Variants in CDH7 observed in about 807,000 individuals in gnomAD.
The protein encoded by CDH7 is cadherin-7.
In CDH7, 25 loss-of-function variants were observed where a neutral mutation model predicts 71.8. The observed-to-expected ratio is 0.35, with a 90% CI of 0.25 to 0.49. CDH7 has a LOEUF of 0.49. Among genes scored for constraint, CDH7 ranks in the 20% least tolerant of loss-of-function variants. The pLI is 0.99. For synonymous variants in CDH7, 381 were observed against 363.8 expected (o/e 1.05, Z -0.54); for missense variants, 862 against 974.6 (o/e 0.88, Z 1.54).
intron 3 of CDH7, among the ~76,000 whole-genome samples, chr18:65,811,388 C>A (rs774803006): frequency 1.3e-5 from 2 of 152,084 alleles, no homozygotes; most frequent in Non-Finnish European, 2.9e-5. Context: ...TAGAGAAATA[C>A]CAAATGACAA....
intron 2 of CDH7, among the ~76,000 whole-genome samples, chr18:65,780,565 C>G (rs1471621384): frequency 7.1e-6 from 1 of 140,060 alleles, no homozygotes; most frequent in South Asian, 2.5e-4. Context: ...ATAGGGAATC[C>G]TTTCCCCATT....
intron 2 of CDH7, among the ~76,000 whole-genome samples, chr18:65,769,253 G>T (rs1213946391): frequency 6.6e-6 from 1 of 152,058 alleles, no homozygotes; most frequent in Admixed American, 6.6e-5. Flanking sequence ...AGAAAACAGG[G>T]CAGAGTTTTC....
rs1914283194 is a variant in CDH7, at chr18:65,883,278, G to T, written c.*2384G>T. On this transcript the variant is annotated 3_prime_UTR_variant, in exon 12 of 12. Coordinates refer to ENST00000397968, the MANE Select transcript of CDH7 (RefSeq NM_004361.5). ...TAATTTTTGAGATGGCTGGAAGAATGTTCCTAATATAGGTAGTATTTATAT... is the reference window on the plus strand; with the variant it reads ...TAATTTTTGAGATGGCTGGAAGAATTTTCCTAATATAGGTAGTATTTATAT... The T allele has an allele frequency of 6.6e-6, 1 of 151,842 alleles. No individual in the cohort carries two copies. The highest frequency in any genetic ancestry group is 2.4e-5 in the African/African-American group (1 of 41,368). 9.4% of individuals were successfully genotyped at this position (151,842 alleles called of 1,614,324 possible). A position where few individuals can be genotyped will look rare whatever the true frequency, so the allele number is the denominator to read the frequency against.
At chr18:65,758,623 G>C (rs1353007330) in intron 1 of CDH7, among the ~76,000 whole-genome samples, 1 of 152,146 alleles carries the variant, frequency 6.6e-6, no homozygotes, top group Non-Finnish European at 1.5e-5. Flanking sequence ...AAATATCCTT[G>C]TGCACTCTGA....
chr18:65,885,372 G>GTGTTTTTTTTTTT lies in CDH7; in HGVS notation c.*4479_*4480insGTTTTTTTTTTTT, dbSNP rs1914342122. 1.0e-4 allele frequency: 7 copies of GTGTTTTTTTTTTT among 69,432 alleles called. No individual in the cohort carries two copies. Among genetic ancestry groups the GTGTTTTTTTTTTT allele is most frequent in the African/African-American group, 3.7e-4 (7 of 19,176 alleles). 4.3% of individuals were successfully genotyped at this position (69,432 alleles called of 1,614,324 possible). ...GTAACTGAAAAGGATGTGTGCCTGT[G>GTGTTTTTTTTTTT]TTTTTTTTTTTTTTTTTTTTTTTGA... On this transcript the variant is annotated 3_prime_UTR_variant, in exon 12 of 12. Transcript: ENST00000397968.
chr18:65,762,713 T>G lies in CDH7; in HGVS notation c.-130T>G. On this transcript the variant is annotated 5_prime_UTR_variant, in exon 2 of 12. Transcript: ENST00000397968. ...GGTGACCTCTTCCAATCCAACACTCTACAGATTATTATCTCTGGACTCCCA... is the reference window on the plus strand; with the variant it reads ...GGTGACCTCTTCCAATCCAACACTCGACAGATTATTATCTCTGGACTCCCA... 1 of 691,272 alleles carries G rather than the reference T, an allele frequency of 1.4e-6. No individual in the cohort carries two copies. Among genetic ancestry groups the G allele is most frequent in the Non-Finnish European group, 2.4e-6 (1 of 416,224 alleles). The allele number at this position is 691,272 out of a possible 1,614,324, so 42.8% of individuals were successfully genotyped here. A position where few individuals can be genotyped will look rare whatever the true frequency, so the allele number is the denominator to read the frequency against.
At chr18:65,774,555 G>C (rs1163764584) in intron 2 of CDH7, among the ~76,000 whole-genome samples, 1 of 152,050 alleles carries the variant, frequency 6.6e-6, no homozygotes, top group African/African-American at 2.4e-5. Flanking sequence ...TTGCACAGCT[G>C]TGGGGGCCTG....
chr18:65,782,012 TTCTC>T (rs200990200), intron 2 of CDH7, among the ~76,000 whole-genome samples: 1,906 of 72,592 alleles, frequency 0.026, 367 homozygotes, highest in African/African-American at 0.064. Flanking sequence ...CTTTCTCTCT[TTCTC>T]TCTCTCTTTC....
chr18:65,856,229 C>A (rs1166146307), intron 7 of CDH7, among the ~76,000 whole-genome samples: 1 of 151,984 alleles, frequency 6.6e-6, no homozygotes, highest in Non-Finnish European at 1.5e-5. Context: ...CTAAAACTGC[C>A]CTACAAACAC....
At chr18:65,762,145 A>G (rs977027079) in intron 1 of CDH7, among the ~76,000 whole-genome samples, 3 of 152,214 alleles carry the variant, frequency 2.0e-5, no homozygotes, top group African/African-American at 7.2e-5. Flanking sequence ...CCAGTTTTGC[A>G]TCACCTCATA....
rs760740890 is a variant in CDH7, at chr18:65,809,656, A to G, written c.211-48A>G. On this transcript the variant is annotated intron_variant, in intron 2 of 11. Transcript: ENST00000397968. Reference sequence around the variant, plus strand: ...AATTATTTTTACATATCTCCATATCACTGACTCTCTTGTAAGTTAATCTCA... The same window carrying G: ...AATTATTTTTACATATCTCCATATCGCTGACTCTCTTGTAAGTTAATCTCA... 1.0e-5 allele frequency: 15 copies of G among 1,474,554 alleles called. No homozygotes were observed. The South Asian group carries it at 1.8e-4, about 17-fold the overall frequency. The allele number at this position is 1,474,554 out of a possible 1,614,324, so 91.3% of individuals were successfully genotyped here. A position where few individuals can be genotyped will look rare whatever the true frequency, so the allele number is the denominator to read the frequency against.
In CDH7 at chr18:65,755,976, CAAAA is replaced by C. The variant is rs570102057; in HGVS notation, c.-197+4830_-197+4833del. 2.9e-3 allele frequency among the ~76,000 whole-genome samples: 435 copies of C among 151,674 alleles called. 4 individuals are homozygous for C. Among genetic ancestry groups the C allele is most frequent in the African/African-American group, 0.01 (420 of 41,394 alleles). On this transcript the variant is annotated intron_variant, in intron 1 of 11. Coordinates refer to ENST00000397968, the MANE Select transcript of CDH7 (RefSeq NM_004361.5). ...CTTCTCCTAGACTATACAAAACAAACAAAAAAACAAAAACAAAAACAAAAAACAA... is the reference window on the plus strand; with the variant it reads ...CTTCTCCTAGACTATACAAAACAAACAAACAAAAACAAAAACAAAAAACAA...
chr18:65,832,135 T>A (rs771034086), intron 6 of CDH7, among the ~76,000 whole-genome samples: 1 of 152,174 alleles, frequency 6.6e-6, no homozygotes, highest in Non-Finnish European at 1.5e-5. Flanking sequence ...CTGCGGACTG[T>A]GCTTGATAAT....
chr18:65,760,221 A>G (rs765568666), intron 1 of CDH7, among the ~76,000 whole-genome samples: 4 of 152,176 alleles, frequency 2.6e-5, no homozygotes, highest in Non-Finnish European at 5.9e-5. Context: ...ATTTAATCCT[A>G]TGAAGTAGAT....
At chr18:65,825,524 TC>T (rs1912096804) in intron 6 of CDH7, among the ~76,000 whole-genome samples, 1 of 151,844 alleles carries the variant, frequency 6.6e-6, no homozygotes, top group Non-Finnish European at 1.5e-5. Context: ...AGATATTTAA[TC>T]AAAAATAATA....
chr18:65,862,125 T>C (rs1465366211), intron 10 of CDH7, among the ~76,000 whole-genome samples: 1 of 152,092 alleles, frequency 6.6e-6, no homozygotes, highest in Non-Finnish European at 1.5e-5. Flanking sequence ...TATAAATACC[T>C]ATATATAATT....
intron 11 of CDH7, among the ~76,000 whole-genome samples, chr18:65,878,620 G>A (rs966644727): frequency 2.6e-5 from 4 of 152,062 alleles, no homozygotes; most frequent in African/African-American, 9.7e-5. Flanking sequence ...AGATATACAA[G>A]CAGTAACTTT....
intron 6 of CDH7, among the ~76,000 whole-genome samples, chr18:65,837,048 G>A (rs1301886277): frequency 6.6e-6 from 1 of 152,128 alleles, no homozygotes; most frequent in African/African-American, 2.4e-5. Context: ...TCAACAGTGT[G>A]CACCTAGGTA....
At chr18:65,850,666 T>G (rs1277728294) in intron 7 of CDH7, among the ~76,000 whole-genome samples, 1 of 151,788 alleles carries the variant, frequency 6.6e-6, no homozygotes, top group African/African-American at 2.4e-5. Context: ...ATTCTGGACA[T>G]CTTGAGTGCC....
Sources: allele counts gnomAD v4.1 joint callset (sites outside exome capture counted in the v4.1 genomes callset), GRCh38; gene constraint gnomAD v4.1.1; transcripts MANE v1.5; gene names NCBI Gene and HGNC (gene_info 2026-07-23, HGNC 2026-07-21).